The following HMCN1 variants were observed in gnomAD, a reference collection of about 807,000 sequenced individuals.
HMCN1 encodes the protein hemicentin-1.
Under a neutral mutation model 625.9 loss-of-function variants are expected in HMCN1, and 321 were observed. That is an observed-to-expected ratio of 0.51 (90% confidence interval 0.47 to 0.56). HMCN1 has a LOEUF of 0.56. Ranked by LOEUF, HMCN1 falls within the 20% of genes least tolerant of loss-of-function variation. The pLI is 0.00. For missense variants in HMCN1, 6,588 were observed against 6,887.3 expected (o/e 0.96, Z 1.54); for synonymous variants, 2,425 against 2,417.6 (o/e 1.00, Z -0.09).
At chr1:186,002,868 T>TA (rs1653288972) in intron 28 of HMCN1, among the ~76,000 whole-genome samples, 1 of 152,132 alleles carries the variant, frequency 6.6e-6, no homozygotes, top group African/African-American at 2.4e-5. Context: ...TTCTCACTAC[T>TA]ACCTTCTCCC....
intron 105 of HMCN1, among the ~76,000 whole-genome samples, chr1:186,184,195 G>T (rs1177105020): frequency 6.6e-6 from 1 of 152,116 alleles, no homozygotes; most frequent in Non-Finnish European, 1.5e-5. Context: ...ATTTAAATGG[G>T]TTACATATTT....
intron 36 of HMCN1, among the ~76,000 whole-genome samples, chr1:186,027,415 C>T (rs1655130072): frequency 6.6e-6 from 1 of 152,164 alleles, no homozygotes; most frequent in African/African-American, 2.4e-5. Context: ...TTCATTTTAT[C>T]TGCACACAAT....
At chr1:186,040,010 CA>C in intron 39 of HMCN1, 131 bp downstream of exon 39, 1 of 856,822 alleles carries the variant, frequency 1.2e-6, no homozygotes, top group South Asian at 1.4e-5. Flanking sequence ...TACACATATG[CA>C]ACCATAAACA....
intron 75 of HMCN1, 123 bp from the exon 76 acceptor site, chr1:186,116,871 A>T: frequency 8.8e-7 from 1 of 1,135,198 alleles, no homozygotes; most frequent in Non-Finnish European, 1.3e-6. Flanking sequence ...ACATGATGTT[A>T]ATTTTAACAT....
intron 101 of HMCN1, among the ~76,000 whole-genome samples, 173 bp from the exon 102 acceptor site, chr1:186,171,833 A>T (rs1354122008): frequency 6.6e-6 from 1 of 152,156 alleles, no homozygotes; most frequent in African/African-American, 2.4e-5. Context: ...GATTTTTATT[A>T]TATTTTAAAG....
At chr1:186,167,737 A>G (rs769891212) in intron 100 of HMCN1, among the ~76,000 whole-genome samples, 7 of 152,168 alleles carry the variant, frequency 4.6e-5, no homozygotes, top group Non-Finnish European at 1.0e-4. Flanking sequence ...GAATCATACA[A>G]TTGTGCAGAC....
In HMCN1 at chr1:185,764,813, G is replaced by A. The variant is rs116355927; in HGVS notation, c.268+29766G>A. Among the ~76,000 whole-genome samples the A allele has an allele frequency of 7.4e-3, 1,129 of 152,232 alleles. 9 individuals carry two copies. The highest frequency in any genetic ancestry group is 0.027 in the Middle Eastern group (8 of 294). On this transcript the variant is annotated intron_variant, in intron 1 of 106. Coordinates refer to ENST00000271588, the MANE Select transcript of HMCN1 (RefSeq NM_031935.3). ...TGATATAAATAAATTTAATTACAGT[G>A]TTTAATTTTAATGAGAACAGATAGA...
chr1:186,124,553 C>T (rs968242419), intron 81 of HMCN1, among the ~76,000 whole-genome samples: 2 of 151,830 alleles, frequency 1.3e-5, no homozygotes, highest in East Asian at 3.8e-4. Flanking sequence ...TACGATGTAC[C>T]ATTGAGCAAA....
chr1:185,875,093 A>C (rs534756367), intron 4 of HMCN1, among the ~76,000 whole-genome samples: 1 of 152,128 alleles, frequency 6.6e-6, no homozygotes, highest in East Asian at 1.9e-4. Flanking sequence ...ATTGCAGTTT[A>C]AAAATATATT....
intron 2 of HMCN1, among the ~76,000 whole-genome samples, chr1:185,856,388 G>A (rs1482503307): frequency 6.6e-6 from 1 of 151,906 alleles, no homozygotes; most frequent in African/African-American, 2.4e-5. Context: ...TACTCGGGAG[G>A]CTGAGGCAGG....
At chr1:185,831,830 TAAAAG>T (rs1253580674) in intron 1 of HMCN1, among the ~76,000 whole-genome samples, 1 of 151,974 alleles carries the variant, frequency 6.6e-6, no homozygotes, top group Non-Finnish European at 1.5e-5. Flanking sequence ...AATAAAACCT[TAAAAG>T]AAATAAAAAA....
chr1:186,181,305 G>A (rs1236459618), intron 104 of HMCN1, among the ~76,000 whole-genome samples: 2 of 152,132 alleles, frequency 1.3e-5, no homozygotes, highest in Non-Finnish European at 2.9e-5. Flanking sequence ...ACTGGGACAA[G>A]AAATCTTCAG....
In HMCN1 at chr1:185,997,433, A is replaced by G; in HGVS notation, c.3783A>G (p.Pro1261=). ...ATGCATTTATTTTCCTAATAGAACC[A>G]CCCACAGTGGAAGATCTAGAACCTC... ...ETEITLHVQE[P]PTVEDLEPPY... is the part of the protein sequence containing the mutation. The change falls in exon 25 of 107, where the codon CCA becomes CCG. Residue 1261 remains proline (P), a synonymous_variant. Coordinates refer to ENST00000271588, the MANE Select transcript of HMCN1 (RefSeq NM_031935.3). The G allele has an allele frequency of 1.9e-6, 3 of 1,605,442 alleles. No individual in the cohort carries two copies. Among genetic ancestry groups the G allele is most frequent in the Non-Finnish European group, 2.6e-6 (3 of 1,172,748 alleles).
chr1:185,852,281 T>A (rs577777968), intron 2 of HMCN1, among the ~76,000 whole-genome samples: 8 of 151,976 alleles, frequency 5.3e-5, no homozygotes, highest in African/African-American at 1.9e-4. Context: ...TTCTAGTTTT[T>A]AAAAAAATGC....
At chr1:185,843,393 A>C (rs1661611301) in intron 1 of HMCN1, among the ~76,000 whole-genome samples, 1 of 152,192 alleles carries the variant, frequency 6.6e-6, no homozygotes, top group African/African-American at 2.4e-5. Context: ...TGAAGTTTGT[A>C]GTGAGCGCCT....
chr1:186,087,845 T>A lies in HMCN1; in HGVS notation c.9364-87T>A, dbSNP rs1281658692. 4 of 1,287,234 alleles carry A rather than the reference T, an allele frequency of 3.1e-6. No individual in the cohort carries two copies. In the African/African-American group the frequency reaches 4.4e-5, roughly 14 times the overall value. The allele number at this position is 1,287,234 out of a possible 1,614,324, so 79.7% of individuals were successfully genotyped here. On this transcript the variant is annotated intron_variant, in intron 60 of 106. Transcript: ENST00000271588. The stretch of plus-strand genomic sequence containing the variant: ...AGAACTGGGGCATTGAGCATACAGA[T>A]GACTGATGATTTAATCTAAACTCGA...
At chr1:186,044,374 T>C (rs1656409859) in intron 40 of HMCN1, among the ~76,000 whole-genome samples, 1 of 152,104 alleles carries the variant, frequency 6.6e-6, no homozygotes, top group Non-Finnish European at 1.5e-5. Context: ...ATCAATTTCT[T>C]TGAGTTTAAC....
chr1:186,158,381 G>A (rs1395734038), intron 97 of HMCN1, among the ~76,000 whole-genome samples: 1 of 152,076 alleles, frequency 6.6e-6, no homozygotes, highest in African/African-American at 2.4e-5. Context: ...CTCCCATGCT[G>A]TAGGTTGCCT....
At chr1:185,822,351 C>T (rs1293010594) in intron 1 of HMCN1, among the ~76,000 whole-genome samples, 1 of 152,040 alleles carries the variant, frequency 6.6e-6, no homozygotes, top group Non-Finnish European at 1.5e-5. Context: ...CAGTTTTGTT[C>T]TGAACCTAAA....
Sources: gnomAD v4.1 joint callset for allele counts (sites outside exome capture counted in the v4.1 genomes callset) on GRCh38, gnomAD v4.1.1 for gene constraint, MANE v1.5 for transcripts, NCBI Gene and HGNC (gene_info 2026-07-23, HGNC 2026-07-21) for gene names.